The following ASIC2 variants were observed in gnomAD, a reference collection of about 807,000 sequenced individuals.
The protein encoded by ASIC2 is acid-sensing ion channel 2.
In ASIC2, 25 loss-of-function variants were observed where a neutral mutation model predicts 57.3. The observed-to-expected ratio is 0.44, with a 90% confidence interval of 0.32 to 0.61. ASIC2 has a LOEUF of 0.61. Among genes scored for constraint, ASIC2 ranks in the 20% least tolerant of loss-of-function variants. The pLI is 0.06. For synonymous variants in ASIC2, 319 were observed against 307.5 expected (o/e 1.04, Z -0.39); for missense variants, 641 against 738.1 (o/e 0.87, Z 1.52).
chr17:33,025,897 A>G (rs761532612), intron 5 of ASIC2, 29 bp downstream of exon 5: 23 of 1,575,280 alleles, frequency 1.5e-5, no homozygotes, highest in East Asian at 2.3e-5. Flanking sequence ...CCCGGCCCCC[A>G]TGATTCCATC....
At chr17:33,019,123 C>T (rs1007031758) in intron 7 of ASIC2, among the ~76,000 whole-genome samples, 2 of 151,932 alleles carry the variant, frequency 1.3e-5, no homozygotes, top group Non-Finnish European at 2.9e-5. Context: ...ATATGTATGT[C>T]GGGGGAGGTG....
At chr17:33,162,501 A>G (rs1019414) in intron 1 of ASIC2, among the ~76,000 whole-genome samples, 34 of 152,244 alleles carry the variant, frequency 2.2e-4, no homozygotes, top group Admixed American at 2.2e-3. Context: ...GCCTGGGTTC[A>G]TGCTCCTCAC....
At chr17:33,889,328 A>C (rs1292975026) in intron 1 of ASIC2, among the ~76,000 whole-genome samples, 1 of 152,184 alleles carries the variant, frequency 6.6e-6, no homozygotes, top group Non-Finnish European at 1.5e-5. Flanking sequence ...ACTAAGAGGC[A>C]TTGAGTGAGG....
At chr17:33,283,935 G>A (rs1358721468) in intron 1 of ASIC2, among the ~76,000 whole-genome samples, 1 of 152,100 alleles carries the variant, frequency 6.6e-6, no homozygotes, top group East Asian at 1.9e-4. Flanking sequence ...CCTAAGTCAG[G>A]GCTTCTGTGA....
chr17:33,164,580 A>G lies in ASIC2; in HGVS notation c.709-52513T>C, dbSNP rs879514602. Among the ~76,000 whole-genome samples, 890 of 92,094 alleles carry G rather than the reference A, an allele frequency of 9.7e-3. 21 individuals are homozygous for G. The East Asian group carries it at 0.1, about 10-fold the overall frequency. The allele number at this position is 92,094 out of a possible 152,430, so 60.4% of individuals were successfully genotyped here. ...CTGTCCCAAAAGCACATGCACGCACACACACACACACACACACACACACTT... is the reference window on the plus strand; with the variant it reads ...CTGTCCCAAAAGCACATGCACGCACGCACACACACACACACACACACACTT... On this transcript the variant is annotated intron_variant, in intron 1 of 9. Transcript: ENST00000225823.
intron 1 of ASIC2, chr17:34,038,038 T>C: frequency 1.2e-6 from 2 of 1,613,446 alleles, no homozygotes; most frequent in Non-Finnish European, 1.7e-6. Flanking sequence ...CACCTTGTGA[T>C]GTTAGCTCCA....
intron 1 of ASIC2, among the ~76,000 whole-genome samples, chr17:34,152,371 A>ATGTCC (rs1429279347): frequency 6.6e-6 from 1 of 152,148 alleles, no homozygotes; most frequent in Non-Finnish European, 1.5e-5. Flanking sequence ...TAAAATAACC[A>ATGTCC]TGTCCTGGAC....
intron 1 of ASIC2, among the ~76,000 whole-genome samples, chr17:33,303,504 A>C (rs1489654943): frequency 6.6e-6 from 1 of 152,198 alleles, no homozygotes; most frequent in East Asian, 1.9e-4. Flanking sequence ...TCAACATCGA[A>C]GTGACATTAC....
chr17:33,313,998 A>G (rs1906540508), intron 1 of ASIC2, among the ~76,000 whole-genome samples: 1 of 152,080 alleles, frequency 6.6e-6, no homozygotes, highest in Admixed American at 6.5e-5. Context: ...CTTAAGGTTG[A>G]TTAACCTTGA....
chr17:33,102,924 C>T (rs1230664793), intron 2 of ASIC2, among the ~76,000 whole-genome samples: 1 of 152,108 alleles, frequency 6.6e-6, no homozygotes, highest in Admixed American at 6.5e-5. Flanking sequence ...GCTGGGGCTA[C>T]AGGCGCCCAC....
chr17:34,105,249 G>A (rs1598029045), intron 1 of ASIC2, among the ~76,000 whole-genome samples: 2 of 151,830 alleles, frequency 1.3e-5, no homozygotes, highest in East Asian at 3.9e-4. Flanking sequence ...TTTTTAAATA[G>A]TATTTTCTTT....
intron 1 of ASIC2, chr17:34,000,698 G>C (rs575335563): frequency 6.6e-6 from 1 of 152,232 alleles, no homozygotes; most frequent in Admixed American, 6.5e-5. Flanking sequence ...CTCCTTCAGG[G>C]ACTCCTATAA....
chr17:34,035,567 A>G (rs1453327652), intron 1 of ASIC2, among the ~76,000 whole-genome samples: 1 of 152,012 alleles, frequency 6.6e-6, no homozygotes, highest in Non-Finnish European at 1.5e-5. Flanking sequence ...CTGCACATCA[A>G]AAGAAACTAC....
chr17:33,543,502 C>T (rs913045780), intron 1 of ASIC2, among the ~76,000 whole-genome samples: 1 of 152,104 alleles, frequency 6.6e-6, no homozygotes. Context: ...GCCCCTATTT[C>T]AACATAGTTT....
intron 1 of ASIC2, among the ~76,000 whole-genome samples, chr17:33,349,703 C>T (rs1908083707): frequency 6.6e-6 from 1 of 152,112 alleles, no homozygotes. Flanking sequence ...TCACTCATAC[C>T]AGAAATGATT....
chr17:33,264,465 C>G (rs1009689977), intron 1 of ASIC2, among the ~76,000 whole-genome samples: 1 of 152,214 alleles, frequency 6.6e-6, no homozygotes, highest in African/African-American at 2.4e-5. Flanking sequence ...CCCAGAGTCA[C>G]ACAGCTAGTA....
chr17:34,047,571 C>T (rs1247162500), intron 1 of ASIC2, among the ~76,000 whole-genome samples: 1 of 150,052 alleles, frequency 6.7e-6, no homozygotes, highest in African/African-American at 2.5e-5. Flanking sequence ...GGCCAAATTT[C>T]CCACCCCTGA....
At chr17:33,591,366 G>A (rs1904819147) in intron 1 of ASIC2, among the ~76,000 whole-genome samples, 1 of 152,222 alleles carries the variant, frequency 6.6e-6, no homozygotes, top group Non-Finnish European at 1.5e-5. Context: ...ATGGCAAATA[G>A]ATGCCACTGG....
chr17:33,464,144 A>G (rs1912733074), intron 1 of ASIC2, among the ~76,000 whole-genome samples: 1 of 152,138 alleles, frequency 6.6e-6, no homozygotes, highest in Non-Finnish European at 1.5e-5. Flanking sequence ...AGAGTCTGAG[A>G]CCTGCCTTTC....
Sources: gnomAD v4.1 joint callset for allele counts (sites outside exome capture counted in the v4.1 genomes callset) on GRCh38, gnomAD v4.1.1 for gene constraint, MANE v1.5 for transcripts, NCBI Gene and HGNC (gene_info 2026-07-23, HGNC 2026-07-21) for gene names.